EDIL3: variants seen among roughly 807,000 people sequenced by gnomAD.
EDIL3 encodes EGF-like repeat and discoidin I-like domain-containing protein 3.
In EDIL3, 37 loss-of-function variants were observed where a neutral mutation model predicts 67.4. The observed-to-expected ratio is 0.55, with a 90% CI of 0.42 to 0.72. The LOEUF is 0.72. EDIL3 is among the 30% of genes least tolerant of loss of function. The probability of loss-of-function intolerance (pLI) is 0.00; values close to 1 mark genes in which losing one functional copy is unlikely to be tolerated. For missense variants in EDIL3, 527 were observed against 586.3 expected, an observed-to-expected ratio of 0.90 and a Z score of 1.04; for synonymous variants, 195 against 196.3, an observed-to-expected ratio of 0.99 and a Z score of 0.05.
chr5:84,254,375 C>CA (rs201997159), intron 1 of EDIL3, among the ~76,000 whole-genome samples, 163 bp from the exon 2 acceptor site: 98 of 150,006 alleles, frequency 6.5e-4, no homozygotes, highest in African/African-American at 1.6e-3. Flanking sequence ...ACCATGTACT[C>CA]AAAAAAAAAT....
At chr5:84,207,687 A>G (rs1401021914) in intron 3 of EDIL3, among the ~76,000 whole-genome samples, 1 of 152,032 alleles carries the variant, frequency 6.6e-6, no homozygotes, top group Non-Finnish European at 1.5e-5. Context: ...TGGTACTGGT[A>G]CCAAAACAGA....
At chr5:84,258,699 C>G (rs1408413310) in intron 1 of EDIL3, among the ~76,000 whole-genome samples, 1 of 152,142 alleles carries the variant, frequency 6.6e-6, no homozygotes. Context: ...TAGGTCAAAA[C>G]CATCATATCT....
At position 83,997,202 on chromosome 5, in the gene EDIL3, A is replaced by G. The variant is rs1476420949; in HGVS notation, c.1138-33842T>C. 5.3e-5 allele frequency among the ~76,000 whole-genome samples: 8 copies of G among 152,312 alleles called. No homozygotes were observed. In the East Asian group the frequency reaches 1.5e-3, roughly 29 times the overall value. On this transcript the variant is annotated intron_variant, in intron 9 of 10. Coordinates refer to ENST00000296591, the MANE Select transcript of EDIL3 (RefSeq NM_005711.5). ...AGATAATGCTATATTAAGCAGTTGGACTTTCTACAAGGTAATGATTAATAG... is the reference window on the plus strand; with the variant it reads ...AGATAATGCTATATTAAGCAGTTGGGCTTTCTACAAGGTAATGATTAATAG...
chr5:84,266,320 C>G (rs544924972), intron 1 of EDIL3, among the ~76,000 whole-genome samples: 1 of 152,214 alleles, frequency 6.6e-6, no homozygotes, highest in South Asian at 2.1e-4. Flanking sequence ...AGATCCTTTC[C>G]AAACCCTGAG....
chr5:83,950,053 T>C (rs1175949475), intron 10 of EDIL3, among the ~76,000 whole-genome samples: 4 of 151,792 alleles, frequency 2.6e-5, no homozygotes, highest in Non-Finnish European at 5.9e-5. Flanking sequence ...GTGAGCTTCC[T>C]AGTTGGCAAT....
Position 84,074,780 on chromosome 5 carries a change from A to G in EDIL3, c.652-8174T>C, listed in dbSNP as rs562173104. ...GGTAAACTAGTTCAACCATTGTGGA[A>G]GTCAGTGTGGCGATTCCTCAGGGAT... On this transcript the variant is annotated intron_variant, in intron 6 of 10. Transcript: ENST00000296591. Among the ~76,000 whole-genome samples the G allele has an allele frequency of 3.8e-3, 576 of 152,250 alleles. 2 individuals are homozygous for G. Among genetic ancestry groups the G allele is most frequent in the African/African-American group, 0.013 (549 of 41,538 alleles).
chr5:84,016,601 A>G (rs143669587), intron 9 of EDIL3, among the ~76,000 whole-genome samples: 5 of 152,322 alleles, frequency 3.3e-5, no homozygotes, highest in Admixed American at 6.5e-5. Context: ...GGTCACAGTT[A>G]AAATGCAGTC....
At chr5:84,029,597 G>A (rs1288180824) in intron 9 of EDIL3, among the ~76,000 whole-genome samples, 3 of 152,024 alleles carry the variant, frequency 2.0e-5, no homozygotes, top group Non-Finnish European at 4.4e-5. Context: ...TTATCAAAGG[G>A]AGTATTAAAC....
intron 10 of EDIL3, among the ~76,000 whole-genome samples, chr5:83,961,213 CA>C (rs1357387447): frequency 1.3e-5 from 2 of 150,904 alleles, no homozygotes; most frequent in African/African-American, 2.4e-5. Flanking sequence ...AACAGAGCTT[CA>C]AAATACATCA....
At chr5:83,998,202 G>A (rs1435517249) in intron 9 of EDIL3, among the ~76,000 whole-genome samples, 1 of 152,162 alleles carries the variant, frequency 6.6e-6, no homozygotes, top group Non-Finnish European at 1.5e-5. Flanking sequence ...TCCAGGCAGT[G>A]CAGCTCAAAG....
chr5:83,963,411 C>A, intron 9 of EDIL3, 51 bp from the exon 10 acceptor site: 1 of 1,529,904 alleles, frequency 6.5e-7, no homozygotes, highest in Non-Finnish European at 8.7e-7. Context: ...AAGTTGTAAA[C>A]TTCCAAGTCT....
intron 9 of EDIL3, among the ~76,000 whole-genome samples, chr5:83,972,489 G>A (rs1744811008): frequency 6.6e-6 from 1 of 152,056 alleles, no homozygotes; most frequent in Admixed American, 6.6e-5. Context: ...GGGAATGAAA[G>A]CCTGCAGCAG....
At chr5:84,200,208 G>A (rs1050003224) in intron 3 of EDIL3, among the ~76,000 whole-genome samples, 9 of 152,036 alleles carry the variant, frequency 5.9e-5, no homozygotes, top group African/African-American at 1.7e-4. Flanking sequence ...CATGGCACAT[G>A]TATACATACA....
chr5:84,309,057 T>C (rs574256876), intron 1 of EDIL3, among the ~76,000 whole-genome samples: 2 of 152,294 alleles, frequency 1.3e-5, no homozygotes, highest in African/African-American at 4.8e-5. Flanking sequence ...TACTTACATT[T>C]CCTCTCATGA....
chr5:84,169,530 A>G (rs1748772191), intron 4 of EDIL3, among the ~76,000 whole-genome samples: 1 of 151,834 alleles, frequency 6.6e-6, no homozygotes, highest in Non-Finnish European at 1.5e-5. Flanking sequence ...TTGCCCTTTT[A>G]TAACCACACT....
chr5:84,230,796 T>TGTGTGTGTGTGTGA, intron 2 of EDIL3, among the ~76,000 whole-genome samples: 1 of 151,754 alleles, frequency 6.6e-6, no homozygotes, highest in South Asian at 2.1e-4. Context: ...TGTGTGTGTG[T>TGTGTGTGTGTGTGA]GTGACATACA....
At chr5:84,351,679 A>G (rs1020715472) in intron 1 of EDIL3, among the ~76,000 whole-genome samples, 12 of 152,206 alleles carry the variant, frequency 7.9e-5, no homozygotes, top group Admixed American at 3.9e-4. Context: ...CTTCATCTGC[A>G]AAGTGAGTGT....
rs571782583 is a variant in EDIL3 at position 84,060,622 on chromosome 5, A to C, written c.953-138T>G. 5.0e-4 allele frequency: 462 copies of C among 918,226 alleles called. 1 individual carries two copies. Among genetic ancestry groups the C allele is most frequent in the South Asian group, 1.2e-3 (61 of 52,976 alleles). 56.9% of individuals were successfully genotyped at this position (918,226 alleles called of 1,614,324 possible). On this transcript the variant is annotated intron_variant, in intron 8 of 10. Coordinates refer to ENST00000296591, the MANE Select transcript of EDIL3 (RefSeq NM_005711.5). ...AAAGAGAAAACATCTAAATCCAAAA[A>C]AAAGCTATAATCAGAAATAAATCTG... is the stretch of plus-strand genomic sequence containing the variant.
At chr5:84,286,342 A>C (rs1018518791) in intron 1 of EDIL3, among the ~76,000 whole-genome samples, 5 of 152,190 alleles carry the variant, frequency 3.3e-5, no homozygotes, top group African/African-American at 4.8e-5. Context: ...AAAAAGCCAT[A>C]GATGTCCACG....
Sources: allele counts gnomAD v4.1 joint callset (sites outside exome capture counted in the v4.1 genomes callset), GRCh38; gene constraint gnomAD v4.1.1; transcripts MANE v1.5; gene names NCBI Gene and HGNC (gene_info 2026-07-23, HGNC 2026-07-21).